The following RIMS3 variants were observed in gnomAD, a reference collection of about 807,000 sequenced individuals.
RIMS3 encodes regulating synaptic membrane exocytosis 3.
In RIMS3, 15 loss-of-function variants were observed where a neutral mutation model predicts 29.2. The ratio of observed to expected loss-of-function variants is 0.51; its 90% CI spans 0.34 to 0.79. RIMS3 has a LOEUF of 0.79. RIMS3 is among the 30% of genes least tolerant of loss of function. The probability of loss-of-function intolerance (pLI) is 0.01; values close to 1 mark genes in which losing one functional copy is unlikely to be tolerated. For missense variants in RIMS3, 342 were observed against 421.4 expected, an observed-to-expected ratio of 0.81 and a Z score of 1.65; for synonymous variants, 161 against 170.1, an observed-to-expected ratio of 0.95 and a Z score of 0.41.
At chr1:40,634,948 A>AC (rs1014349597) in intron 4 of RIMS3, among the ~76,000 whole-genome samples, 3 of 151,972 alleles carry the variant, frequency 2.0e-5, no homozygotes, top group Non-Finnish European at 4.4e-5. Context: ...TCACAAAAAA[A>AC]AAAAAAACAA....
chr1:40,688,320 G>C, the RIMS3 span, among the ~76,000 whole-genome samples: 1 of 152,230 alleles, frequency 6.6e-6, no homozygotes, highest in South Asian at 2.1e-4. Flanking sequence ...TGTGGCTTAA[G>C]GAAGTCCAGC....
At chr1:40,662,942 T>C (rs1427012910) in intron 1 of RIMS3, among the ~76,000 whole-genome samples, 1 of 152,202 alleles carries the variant, frequency 6.6e-6, no homozygotes, top group Non-Finnish European at 1.5e-5. Flanking sequence ...GTCTCTTCTC[T>C]GCCCCAAACC....
At chr1:40,683,924 G>T in the RIMS3 span, among the ~76,000 whole-genome samples, 1 of 152,170 alleles carries the variant, frequency 6.6e-6, no homozygotes, top group Non-Finnish European at 1.5e-5. Context: ...TCTGAGAAGT[G>T]TTACTCTATC....
the RIMS3 span, among the ~76,000 whole-genome samples, chr1:40,677,139 C>T: frequency 6.6e-6 from 1 of 151,826 alleles, no homozygotes; most frequent in South Asian, 2.1e-4. Context: ...GCTGGGATCA[C>T]AGGTGTGCAC....
chr1:40,652,167 G>A (rs926877805), intron 1 of RIMS3, among the ~76,000 whole-genome samples: 2 of 152,080 alleles, frequency 1.3e-5, no homozygotes, highest in Admixed American at 6.6e-5. Context: ...TCCTTACAGG[G>A]GCTGCTAAAC....
upstream of RIMS3, among the ~76,000 whole-genome samples, chr1:40,670,620 G>T (rs1642482519): frequency 1.5e-5 from 1 of 67,962 alleles, no homozygotes; most frequent in African/African-American, 7.5e-5. Context: ...TTGAGATGGA[G>T]TCTCACTCTG....
At chr1:40,632,429 T>G in intron 5 of RIMS3, among the ~76,000 whole-genome samples, 1 of 45,034 alleles carries the variant, frequency 2.2e-5, no homozygotes, top group South Asian at 4.3e-4. Flanking sequence ...TATATATATA[T>G]ATATATATAT....
the RIMS3 span, among the ~76,000 whole-genome samples, chr1:40,674,041 C>T: frequency 2.6e-5 from 4 of 152,142 alleles, no homozygotes; most frequent in African/African-American, 9.7e-5. Context: ...GATGCATAAA[C>T]AATAACAGTA....
intron 2 of RIMS3, among the ~76,000 whole-genome samples, chr1:40,643,686 C>T (rs1041462603): frequency 1.3e-5 from 2 of 152,138 alleles, no homozygotes; most frequent in East Asian, 3.9e-4. Context: ...ACCCTGTTGA[C>T]CAGGCTGGTC....
chr1:40,629,461 G>T, intron 5 of RIMS3, 89 bp from the exon 6 acceptor site: 1 of 1,054,230 alleles, frequency 9.5e-7, no homozygotes, highest in Non-Finnish European at 1.5e-6. Context: ...CTGTGGAGGA[G>T]GCTACATCAT....
At chr1:40,673,115 G>A in the RIMS3 span, among the ~76,000 whole-genome samples, 2 of 151,762 alleles carry the variant, frequency 1.3e-5, no homozygotes, top group African/African-American at 2.4e-5. Context: ...GGGAGGCGGA[G>A]GTTGCAGTGA....
At chr1:40,646,221 T>C (rs1646593993) in intron 2 of RIMS3, among the ~76,000 whole-genome samples, 1 of 152,124 alleles carries the variant, frequency 6.6e-6, no homozygotes, top group African/African-American at 2.4e-5. Flanking sequence ...AGAGATCTAG[T>C]TTCTTCTCCG....
the RIMS3 span, among the ~76,000 whole-genome samples, chr1:40,676,852 A>T: frequency 1.3e-5 from 2 of 152,160 alleles, no homozygotes; most frequent in African/African-American, 4.8e-5. Flanking sequence ...GATGAAAAAA[A>T]CTCAGGCAGG....
At chr1:40,684,700 G>C in the RIMS3 span, among the ~76,000 whole-genome samples, 3 of 152,206 alleles carry the variant, frequency 2.0e-5, no homozygotes, top group Non-Finnish European at 4.4e-5. Context: ...CATGGAGAAT[G>C]TCTCTCTAGA....
At position 40,626,752 on chromosome 1, in the gene RIMS3, G is replaced by A. The variant is rs770641761; in HGVS notation, c.715-23C>T. The stretch of plus-strand genomic sequence containing the variant: ...CACCTGCCAGGAGGAAGAGAGGGAG[G>A]GAGTGAGCCACCTCCCTGACTCCAG... On this transcript the variant is annotated intron_variant, in intron 7 of 7. Coordinates refer to ENST00000372684, the MANE Select transcript of RIMS3 (RefSeq NM_014747.3). 2.5e-6 allele frequency: 4 copies of A among 1,610,008 alleles called. No homozygotes were observed. The Admixed American group carries it at 5.0e-5, about 20-fold the overall frequency.
At chr1:40,663,941 C>T (rs1642387865) in intron 1 of RIMS3, among the ~76,000 whole-genome samples, 1 of 152,210 alleles carries the variant, frequency 6.6e-6, no homozygotes, top group African/African-American at 2.4e-5. Context: ...TTCCTGCTAC[C>T]CACATAGCAG....
At chr1:40,665,274 GCACAC>G in intron 1 of RIMS3, 115 bp downstream of exon 1, 1 of 59,722 alleles carries the variant, frequency 1.7e-5, no homozygotes, top group South Asian at 5.6e-4. Context: ...CCCCGCCCCT[GCACAC>G]TCACATACCT....
chr1:40,661,881 G>A (rs1366946205), intron 1 of RIMS3, among the ~76,000 whole-genome samples: 2 of 152,228 alleles, frequency 1.3e-5, no homozygotes, highest in Middle Eastern at 3.2e-3. Context: ...CTGGCCCCAA[G>A]GGCTGAGCTT....
At chr1:40,675,635 G>A in the RIMS3 span, among the ~76,000 whole-genome samples, 1 of 151,948 alleles carries the variant, frequency 6.6e-6, no homozygotes, top group Non-Finnish European at 1.5e-5. Context: ...GTACACACCT[G>A]TAATCTCAGC....
Sources: gnomAD v4.1 joint callset for allele counts (sites outside exome capture counted in the v4.1 genomes callset) on GRCh38, gnomAD v4.1.1 for gene constraint, MANE v1.5 for transcripts, NCBI Gene and HGNC (gene_info 2026-07-23, HGNC 2026-07-21) for gene names.